The following YTHDC2 variants were observed in gnomAD, a reference collection of about 807,000 sequenced individuals.
YTHDC2 encodes 3'-5' RNA helicase YTHDC2.
In YTHDC2, 45 loss-of-function variants were observed where a neutral mutation model predicts 174.9. The ratio of observed to expected loss-of-function variants is 0.26; its 90% CI spans 0.20 to 0.33. The LOEUF (loss-of-function observed/expected upper bound fraction) is 0.33. Among genes scored for constraint, YTHDC2 ranks in the 10% least tolerant of loss-of-function variants. The probability of loss-of-function intolerance (pLI) is 1.00; values close to 1 mark genes in which losing one functional copy is unlikely to be tolerated. For synonymous variants in YTHDC2, 657 were observed against 574.5 expected (o/e 1.14, Z -2.05); for missense variants, 1,650 against 1,723.7 (o/e 0.96, Z 0.76).
Position 113,553,199 on chromosome 5 carries a change from A to G in YTHDC2, c.1707A>G (p.Gly569=), listed in dbSNP as rs931687160. The G allele has an allele frequency of 6.7e-7, 1 of 1,484,364 alleles. No homozygotes were observed. The highest frequency in any genetic ancestry group is 1.6e-5 in the African/African-American group (1 of 61,694). The allele number at this position is 1,484,364 out of a possible 1,614,324, so 91.9% of individuals were successfully genotyped here. A position where few individuals can be genotyped will look rare whatever the true frequency, so the allele number is the denominator to read the frequency against. The change falls in exon 13 of 30, where the codon GGA becomes GGG. Residue 569 remains glycine, a synonymous_variant. Coordinates refer to ENST00000161863, the MANE Select transcript of YTHDC2 (RefSeq NM_022828.5). The part of the protein sequence containing the change: ...LESYSATLEF[G]NLDESSLVQT... Reference sequence around the variant, plus strand: ...TTTTCAGTGCTACACTGGAATTTGGAAATCTAGATGAAAGTTCTCTGGTTC... The same window carrying G: ...TTTTCAGTGCTACACTGGAATTTGGGAATCTAGATGAAAGTTCTCTGGTTC...
chr5:113,517,723 C>A, intron 2 of YTHDC2: 1 of 338,664 alleles, frequency 3.0e-6, no homozygotes, highest in Non-Finnish European at 5.9e-6. Context: ...AAACTTTGTA[C>A]TATATTTTCT....
intron 4 of YTHDC2, 42 bp downstream of exon 4, chr5:113,526,827 AT>A (rs758376243): frequency 0.074 from 9,293 of 126,366 alleles, 191 homozygotes; most frequent in African/African-American, 0.12. Context: ...AAAAAAAAAA[AT>A]ATATATATAT....
At chr5:113,558,152 G>T (rs1039976519) in intron 17 of YTHDC2, among the ~76,000 whole-genome samples, 5 of 152,264 alleles carry the variant, frequency 3.3e-5, no homozygotes, top group African/African-American at 1.2e-4. Flanking sequence ...AAAGGCAAGA[G>T]TGAATAGGGA....
chr5:113,592,460 T>C (rs1561718093), intron 28 of YTHDC2: 1 of 235,904 alleles, frequency 4.2e-6, no homozygotes, highest in African/African-American at 2.3e-5. Context: ...CTTGTTTATT[T>C]CTATTGTGTT....
At chr5:113,527,144 G>A (rs1774318376) in intron 4 of YTHDC2, among the ~76,000 whole-genome samples, 1 of 152,070 alleles carries the variant, frequency 6.6e-6, no homozygotes, top group African/African-American at 2.4e-5. Context: ...GGCTCTTTTT[G>A]TAACCTCTGT....
At chr5:113,549,332 G>A (rs901812202) in intron 12 of YTHDC2, among the ~76,000 whole-genome samples, 1 of 152,136 alleles carries the variant, frequency 6.6e-6, no homozygotes, top group African/African-American at 2.4e-5. Flanking sequence ...TTTAAAAGGT[G>A]TAAACCAAAG....
At chr5:113,523,222 A>C (rs1412827217) in intron 2 of YTHDC2, among the ~76,000 whole-genome samples, 1 of 152,182 alleles carries the variant, frequency 6.6e-6, no homozygotes, top group East Asian at 1.9e-4. Context: ...ATTTTTAAGA[A>C]AATTAAAGCA....
chr5:113,565,305 AG>A (rs1403833306), intron 20 of YTHDC2, among the ~76,000 whole-genome samples: 1 of 152,200 alleles, frequency 6.6e-6, no homozygotes, highest in Non-Finnish European at 1.5e-5. Context: ...AGTGAGAAGT[AG>A]AGGGAGATTT....
At chr5:113,589,065 A>G (rs1028581412) in intron 26 of YTHDC2, among the ~76,000 whole-genome samples, 25 of 152,126 alleles carry the variant, frequency 1.6e-4, no homozygotes, top group Admixed American at 7.9e-4. Flanking sequence ...TCAGAAAAAT[A>G]TATTTTTACA....
At chr5:113,514,627 G>A (rs111618712) in intron 1 of YTHDC2, among the ~76,000 whole-genome samples, 19 of 152,120 alleles carry the variant, frequency 1.2e-4, no homozygotes, top group African/African-American at 3.4e-4. Flanking sequence ...CAACTGACCT[G>A]CGGTGACCTG....
At chr5:113,546,289 T>C (rs1775882968) in intron 10 of YTHDC2, among the ~76,000 whole-genome samples, 1 of 152,234 alleles carries the variant, frequency 6.6e-6, no homozygotes, top group Non-Finnish European at 1.5e-5. Flanking sequence ...AATACTAGAC[T>C]GTTAATTTGA....
rs971373867 is a variant in YTHDC2 at position 113,592,303 on chromosome 5, G to A, written c.4212+125G>A. 9 of 957,750 alleles carry A rather than the reference G, an allele frequency of 9.4e-6. 1 individual carries two copies. Among genetic ancestry groups the A allele is most frequent in the Middle Eastern group, 3.4e-4 (1 of 2,910 alleles). The allele number at this position is 957,750 out of a possible 1,614,324, so 59.3% of individuals were successfully genotyped here. ...TATTCCATATGCACATGGGAAACAG[G>A]GGTTCAGGTTTGTAAAAAGATAGTA... On this transcript the variant is annotated intron_variant, in intron 28 of 29. Transcript: ENST00000161863.
intron 12 of YTHDC2, among the ~76,000 whole-genome samples, chr5:113,551,084 T>G (rs1260860170): frequency 2.0e-5 from 3 of 152,070 alleles, no homozygotes; most frequent in African/African-American, 7.2e-5. Flanking sequence ...TTTATAGATG[T>G]AAAATTGGAA....
intron 7 of YTHDC2, among the ~76,000 whole-genome samples, chr5:113,538,699 T>C (rs1561644713): frequency 6.6e-6 from 1 of 152,168 alleles, no homozygotes; most frequent in Non-Finnish European, 1.5e-5. Flanking sequence ...TCAGGACTCT[T>C]CACAACTCTA....
intron 10 of YTHDC2, among the ~76,000 whole-genome samples, chr5:113,548,152 A>T (rs1377071772): frequency 1.3e-5 from 2 of 152,226 alleles, no homozygotes; most frequent in Non-Finnish European, 2.9e-5. Context: ...ACTGATGAAA[A>T]TTAACTTTTA....
At chr5:113,541,584 T>TA (rs1190849853) in intron 9 of YTHDC2, among the ~76,000 whole-genome samples, 12 of 152,150 alleles carry the variant, frequency 7.9e-5, no homozygotes. Context: ...TTCTACTCTT[T>TA]AAAAAAATAA....
At chr5:113,535,947 G>T in intron 7 of YTHDC2, 149 bp downstream of exon 7, 1 of 611,166 alleles carries the variant, frequency 1.6e-6, no homozygotes, top group Non-Finnish European at 2.7e-6. Context: ...ACTTCTTTCT[G>T]TTTTCAACTT....
At chr5:113,592,514 T>C (rs1024351321) in intron 28 of YTHDC2, 17 of 169,420 alleles carry the variant, frequency 1.0e-4, no homozygotes, top group African/African-American at 3.8e-4. Context: ...TTTAAGCTAG[T>C]TAAGATGATG....
chr5:113,527,807 G>A (rs897640569), intron 4 of YTHDC2, among the ~76,000 whole-genome samples: 1 of 151,680 alleles, frequency 6.6e-6, no homozygotes, highest in African/African-American at 2.4e-5. Flanking sequence ...TTATTTTTTT[G>A]AGACCAAGTC....
Sources: gnomAD v4.1 joint callset for allele counts (sites outside exome capture counted in the v4.1 genomes callset) on GRCh38, gnomAD v4.1.1 for gene constraint, MANE v1.5 for transcripts, NCBI Gene and HGNC (gene_info 2026-07-23, HGNC 2026-07-21) for gene names.